Variants in GAREM1 observed in about 807,000 individuals in gnomAD.
GAREM1 encodes the protein GRB2-associated and regulator of MAPK protein 1.
GAREM1 carries 26 observed loss-of-function variants against 71.3 expected under a neutral mutation model. The observed-to-expected ratio is 0.36, with a 90% confidence interval of 0.27 to 0.51. The LOEUF (loss-of-function observed/expected upper bound fraction) is 0.51. Among genes scored for constraint, GAREM1 ranks in the 20% least tolerant of loss-of-function variants. GAREM1 has a pLI of 0.95. For missense variants in GAREM1, 1,026 were observed against 1,103.1 expected (o/e 0.93, Z 0.99); for synonymous variants, 440 against 433.2 (o/e 1.02, Z -0.20).
At chr18:32,391,208 T>C (rs1485733721) in intron 2 of GAREM1, among the ~76,000 whole-genome samples, 1 of 152,122 alleles carries the variant, frequency 6.6e-6, no homozygotes, top group African/African-American at 2.4e-5. Flanking sequence ...AGCTAGAGAC[T>C]GTGTAAATGG....
intron 3 of GAREM1, among the ~76,000 whole-genome samples, chr18:32,303,285 A>G (rs1368049973): frequency 6.6e-6 from 1 of 152,200 alleles, no homozygotes; most frequent in East Asian, 1.9e-4. Context: ...CTTCTGGATT[A>G]CATCAGTGAA....
chr18:32,268,331 G>A lies in GAREM1; in HGVS notation c.2171C>T (p.Ala724Val). The A allele has an allele frequency of 6.2e-7, 1 of 1,614,116 alleles. No individual in the cohort carries two copies. The highest frequency in any genetic ancestry group is 1.1e-5 in the South Asian group (1 of 91,082). Reference sequence around the variant, plus strand: ...TAGTTTTGGAGCCCTGGGGGGTAAGGCAGGGCATGACGTACTCTGCTTTGT... The same window carrying A: ...TAGTTTTGGAGCCCTGGGGGGTAAGACAGGGCATGACGTACTCTGCTTTGT... The part of the protein sequence containing the change: ...GVTKQSTSCP[A>V]LPPRAPKLVE... Residue 724 changes from alanine to valine, a missense_variant, in exon 6 of 6, where the codon GCC (alanine) becomes GTC (valine). Coordinates refer to ENST00000269209, the MANE Select transcript of GAREM1 (RefSeq NM_001242409.2).
Position 32,270,310 on chromosome 18 carries a change from G to T in GAREM1, c.1640C>A (p.Pro547His). The T allele has an allele frequency of 6.2e-7, 1 of 1,614,002 alleles. No individual in the cohort carries two copies. Among genetic ancestry groups the T allele is most frequent in the Non-Finnish European group, 8.5e-7 (1 of 1,179,964 alleles). Residue 547 changes from proline to histidine, a missense_variant, in exon 5 of 6, where the codon CCC (proline) becomes CAC (histidine). Pro to His is a moderately conservative substitution (Grantham distance 77). Coordinates refer to ENST00000269209, the MANE Select transcript of GAREM1 (RefSeq NM_001242409.2). The part of the protein sequence containing the change: ...PRSAKPLSTS[P>H]SIPPRTVKPA... ...CTTGACTGTGCGAGGAGGGATGGAG[G>T]GACTGGTGGACAAAGGCTTTGCGCT...
intron 1 of GAREM1, among the ~76,000 whole-genome samples, chr18:32,431,904 T>C (rs957876619): frequency 1.3e-5 from 2 of 152,200 alleles, no homozygotes; most frequent in Non-Finnish European, 2.9e-5. Flanking sequence ...CAAAAGGAAC[T>C]GGAACATTTT....
intron 1 of GAREM1, among the ~76,000 whole-genome samples, chr18:32,409,123 A>G (rs2048393432): frequency 6.6e-6 from 1 of 152,160 alleles, no homozygotes; most frequent in Non-Finnish European, 1.5e-5. Flanking sequence ...TGCTGTTTGC[A>G]GTCCACAAGA....
At chr18:32,385,082 T>A (rs1490354211) in intron 2 of GAREM1, among the ~76,000 whole-genome samples, 1 of 152,130 alleles carries the variant, frequency 6.6e-6, no homozygotes, top group East Asian at 1.9e-4. Flanking sequence ...TTCTGAATCA[T>A]TTCCCTTAGT....
chr18:32,269,645 A>T (rs2041428594), intron 5 of GAREM1, among the ~76,000 whole-genome samples: 1 of 152,208 alleles, frequency 6.6e-6, no homozygotes, highest in Admixed American at 6.5e-5. Flanking sequence ...GGTTGATTTC[A>T]ACTCAATATA....
At chr18:32,416,972 G>A (rs1234675995) in intron 1 of GAREM1, among the ~76,000 whole-genome samples, 2 of 152,130 alleles carry the variant, frequency 1.3e-5, no homozygotes, top group Non-Finnish European at 2.9e-5. Context: ...CTCCTCATCT[G>A]ACAAGGGATT....
intron 1 of GAREM1, among the ~76,000 whole-genome samples, chr18:32,403,531 C>T (rs1050850077): frequency 1.2e-4 from 19 of 152,164 alleles, no homozygotes; most frequent in African/African-American, 4.3e-4. Context: ...AGTTCCTCAC[C>T]CTAACTCAAG....
intron 2 of GAREM1, among the ~76,000 whole-genome samples, chr18:32,352,687 CA>C (rs1383963948): frequency 1.3e-5 from 2 of 152,104 alleles, no homozygotes; most frequent in Non-Finnish European, 2.9e-5. Context: ...TCCTCAGGAC[CA>C]GATTAAGAAG....
At chr18:32,310,514 A>C (rs1050090337) in intron 2 of GAREM1, among the ~76,000 whole-genome samples, 191 bp from the exon 3 acceptor site, 1 of 152,236 alleles carries the variant, frequency 6.6e-6, no homozygotes, top group Admixed American at 6.5e-5. Context: ...AAATCAGCTT[A>C]AAAATGAAAA....
At chr18:32,363,995 C>CACATATATATATATAT (rs1555638702) in intron 2 of GAREM1, among the ~76,000 whole-genome samples, 3 of 21,330 alleles carry the variant, frequency 1.4e-4, no homozygotes, top group South Asian at 2.8e-3. Flanking sequence ...TACATATATA[C>CACATATATATATATAT]ATATATATAT....
chr18:32,318,095 G>T (rs1389029684), intron 2 of GAREM1, among the ~76,000 whole-genome samples: 1 of 152,178 alleles, frequency 6.6e-6, no homozygotes, highest in Admixed American at 6.5e-5. Flanking sequence ...TGTCTCCATT[G>T]TAAGAGCTGT....
intron 4 of GAREM1, among the ~76,000 whole-genome samples, chr18:32,270,866 T>C (rs1250289699): frequency 6.7e-6 from 1 of 149,988 alleles, no homozygotes; most frequent in African/African-American, 2.4e-5. Context: ...GGTCCAGAGC[T>C]AAAGCTCCTT....
chr18:32,320,360 AC>A (rs1363904369), intron 2 of GAREM1, among the ~76,000 whole-genome samples: 5 of 152,208 alleles, frequency 3.3e-5, no homozygotes, highest in African/African-American at 9.6e-5. Context: ...AATGATAAAA[AC>A]AAAAACTTGA....
At chr18:32,285,430 C>T (rs1272004542) in intron 4 of GAREM1, among the ~76,000 whole-genome samples, 2 of 152,244 alleles carry the variant, frequency 1.3e-5, no homozygotes, top group African/African-American at 4.8e-5. Flanking sequence ...GCCCTTCCTG[C>T]ACCCTATCCA....
intron 1 of GAREM1, among the ~76,000 whole-genome samples, chr18:32,423,970 C>CA (rs1418907303): frequency 3.3e-5 from 5 of 151,740 alleles, no homozygotes; most frequent in African/African-American, 9.7e-5. Context: ...CCTGTCTCTA[C>CA]AAAAAAAATT....
chr18:32,457,225 G>A (rs901456141), intron 1 of GAREM1, among the ~76,000 whole-genome samples: 1,789 of 71,614 alleles, frequency 0.025, 60 homozygotes, highest in African/African-American at 0.078. Flanking sequence ...GAGAGAGAGA[G>A]AGTGTGTGTG....
intron 2 of GAREM1, among the ~76,000 whole-genome samples, chr18:32,329,617 A>C (rs904372309): frequency 6.7e-5 from 10 of 149,802 alleles, no homozygotes; most frequent in African/African-American, 2.5e-4. Context: ...GAGGCAGAAG[A>C]ATCACTTGAA....
Sources: gnomAD v4.1 joint callset for allele counts (sites outside exome capture counted in the v4.1 genomes callset) on GRCh38, gnomAD v4.1.1 for gene constraint, MANE v1.5 for transcripts, NCBI Gene and HGNC (gene_info 2026-07-23, HGNC 2026-07-21) for gene names.